Variants in FAM110B observed in about 807,000 individuals in gnomAD.
The protein encoded by FAM110B is protein FAM110B.
A neutral mutation model predicts 20.4 loss-of-function variants in FAM110B; 6 were observed. The ratio of observed to expected loss-of-function variants is 0.29; its 90% confidence interval spans 0.16 to 0.58. The LOEUF is 0.58. Among genes scored for constraint, FAM110B ranks in the 20% least tolerant of loss-of-function variants. The pLI is 0.90. For synonymous variants in FAM110B, 226 were observed against 214.1 expected (o/e 1.06, Z -0.49); for missense variants, 434 against 498.2 (o/e 0.87, Z 1.23).
In FAM110B at chr8:58,008,641, G is replaced by C. The variant is rs1201925462; in HGVS notation, c.-512+13835G>C. ...ATTTGAAAGTGTGTAATAAATTATT[G>C]TTAACTATAGTCACCCTGCAATGCT... On this transcript the variant is annotated intron_variant, in intron 1 of 3. Transcript: ENST00000519262. Among the ~76,000 whole-genome samples the C allele has an allele frequency of 2.0e-5, 3 of 152,122 alleles. No individual in the cohort carries two copies. The South Asian group carries it at 6.2e-4, about 32-fold the overall frequency.
At chr8:58,057,480 TTTC>T (rs1166626403) in intron 2 of FAM110B, among the ~76,000 whole-genome samples, 1 of 152,192 alleles carries the variant, frequency 6.6e-6, no homozygotes, top group Non-Finnish European at 1.5e-5. Context: ...GCTTTCAGGT[TTTC>T]TTATTTTTTA....
At chr8:58,109,800 CA>C (rs1585894151) in intron 3 of FAM110B, among the ~76,000 whole-genome samples, 1 of 152,232 alleles carries the variant, frequency 6.6e-6, no homozygotes, top group East Asian at 1.9e-4. Flanking sequence ...CAAAATTGTC[CA>C]CCCTTAGACT....
intron 2 of FAM110B, among the ~76,000 whole-genome samples, chr8:58,059,112 C>G (rs757970733): frequency 1.3e-5 from 2 of 152,160 alleles, no homozygotes; most frequent in Admixed American, 6.6e-5. Flanking sequence ...CCTCTTATAT[C>G]AGTAGGATTG....
chr8:58,133,685 G>A (rs1477294269), intron 3 of FAM110B, among the ~76,000 whole-genome samples: 1 of 151,250 alleles, frequency 6.6e-6, no homozygotes, highest in African/African-American at 2.5e-5. Flanking sequence ...ATCTTGGTCA[G>A]GGGAGGCTGG....
intron 2 of FAM110B, among the ~76,000 whole-genome samples, chr8:58,037,288 C>G (rs545935511): frequency 2.9e-4 from 43 of 150,282 alleles, no homozygotes; most frequent in African/African-American, 9.7e-4. Context: ...TGCCTTCTCT[C>G]TAAAAGGAAG....
intron 3 of FAM110B, among the ~76,000 whole-genome samples, chr8:58,081,278 C>G (rs1388781575): frequency 6.6e-6 from 1 of 152,224 alleles, no homozygotes; most frequent in Non-Finnish European, 1.5e-5. Flanking sequence ...ACAACCTCAG[C>G]TTACTCCAAC....
rs111918566 is a variant in FAM110B at position 58,114,578 on chromosome 8, C to T, written c.-324-31329C>T. Among the ~76,000 whole-genome samples the T allele has an allele frequency of 6.5e-3, 990 of 152,216 alleles. 12 individuals carry two copies. Among genetic ancestry groups the T allele is most frequent in the African/African-American group, 0.022 (908 of 41,522 alleles). Reference sequence around the variant, plus strand: ...TTTTCTGTATTCAAACACTGACAGGCGAGTTCCCTTCTTAATTACCTGAAC... The same window carrying T: ...TTTTCTGTATTCAAACACTGACAGGTGAGTTCCCTTCTTAATTACCTGAAC... On this transcript the variant is annotated intron_variant, in intron 3 of 3. Coordinates refer to ENST00000519262, the MANE Select transcript of FAM110B (RefSeq NM_001377989.1).
chr8:58,008,718 T>C (rs1449591308), intron 1 of FAM110B, among the ~76,000 whole-genome samples: 2 of 152,208 alleles, frequency 1.3e-5, no homozygotes, highest in African/African-American at 2.4e-5. Context: ...TGGAGGGGAC[T>C]CAATGAATAC....
intron 2 of FAM110B, among the ~76,000 whole-genome samples, chr8:58,053,076 C>A (rs1001861212): frequency 2.0e-5 from 3 of 151,492 alleles, no homozygotes; most frequent in African/African-American, 7.3e-5. Flanking sequence ...TGAGCCACCG[C>A]GCCCGGCCGA....
chr8:58,052,694 C>T (rs538776767), intron 2 of FAM110B, among the ~76,000 whole-genome samples: 7 of 146,774 alleles, frequency 4.8e-5, no homozygotes, highest in South Asian at 2.2e-4. Flanking sequence ...TTTTAGAGAG[C>T]GTGGTAGGCA....
chr8:58,120,164 G>T (rs1201246788), intron 3 of FAM110B, among the ~76,000 whole-genome samples: 1 of 152,164 alleles, frequency 6.6e-6, no homozygotes, highest in Admixed American at 6.5e-5. Flanking sequence ...AACTATGTTT[G>T]CACATAATTT....
At chr8:58,013,210 G>A (rs1804574046) in intron 1 of FAM110B, among the ~76,000 whole-genome samples, 1 of 152,222 alleles carries the variant, frequency 6.6e-6, no homozygotes, top group Non-Finnish European at 1.5e-5. Flanking sequence ...GATGGCAAAT[G>A]CCTGCTGTTA....
chr8:58,144,729 T>C (rs1469000786), intron 3 of FAM110B, among the ~76,000 whole-genome samples: 1 of 152,388 alleles, frequency 6.6e-6, no homozygotes, highest in Non-Finnish European at 1.5e-5. Context: ...CCAAAGATGC[T>C]GTTAAGGTCA....
intron 1 of FAM110B, among the ~76,000 whole-genome samples, chr8:58,009,408 C>T (rs987736897): frequency 5.9e-4 from 90 of 152,134 alleles, no homozygotes; most frequent in African/African-American, 2.1e-3. Flanking sequence ...CCACGGGACA[C>T]GTGGCTGCCC....
intron 1 of FAM110B, among the ~76,000 whole-genome samples, chr8:58,021,909 G>A (rs1399896414): frequency 4.6e-5 from 7 of 152,114 alleles, no homozygotes; most frequent in African/African-American, 1.4e-4. Flanking sequence ...TTCAATCTGC[G>A]GTGAAACCTT....
chr8:58,139,675 A>G (rs1225457104), intron 3 of FAM110B, among the ~76,000 whole-genome samples: 1 of 152,152 alleles, frequency 6.6e-6, no homozygotes, highest in Non-Finnish European at 1.5e-5. Flanking sequence ...ATTAAAATGA[A>G]TAAATACTTG....
chr8:58,108,733 G>T (rs1441099533), intron 3 of FAM110B, among the ~76,000 whole-genome samples: 5 of 152,184 alleles, frequency 3.3e-5, no homozygotes, highest in Non-Finnish European at 1.5e-5. Flanking sequence ...TTATGACTGG[G>T]CTCAGACTGT....
At chr8:58,085,274 A>T (rs1035890195) in intron 3 of FAM110B, among the ~76,000 whole-genome samples, 5 of 152,168 alleles carry the variant, frequency 3.3e-5, no homozygotes, top group African/African-American at 1.2e-4. Context: ...GCCCTTCAGG[A>T]GTCCGGGGCA....
intron 2 of FAM110B, among the ~76,000 whole-genome samples, chr8:58,062,166 C>A (rs942518006): frequency 3.3e-5 from 5 of 152,076 alleles, no homozygotes; most frequent in African/African-American, 1.2e-4. Context: ...AAAATTGTTT[C>A]TTTGCTATAA....
Sources: allele counts gnomAD v4.1 joint callset (sites outside exome capture counted in the v4.1 genomes callset), GRCh38; gene constraint gnomAD v4.1.1; transcripts MANE v1.5; gene names NCBI Gene and HGNC (gene_info 2026-07-23, HGNC 2026-07-21).